CAPN13: variants seen among roughly 807,000 people sequenced by gnomAD.
The protein encoded by CAPN13 is calpain-13.
In CAPN13, 90 loss-of-function variants were observed where a neutral mutation model predicts 98.4. That is an observed-to-expected ratio of 0.92 (90% CI 0.77 to 1.09). The LOEUF (loss-of-function observed/expected upper bound fraction) is 1.09, where lower values mean the gene tolerates loss of function less well. Among genes scored for constraint, CAPN13 ranks in the 50% least tolerant of loss-of-function variants. The pLI, the probability that CAPN13 is intolerant of heterozygous loss-of-function variation, is 0.00. For missense variants in CAPN13, 887 were observed against 841.3 expected, an observed-to-expected ratio of 1.05 and a Z score of -0.67; for synonymous variants, 330 against 305.5, an observed-to-expected ratio of 1.08 and a Z score of -0.84.
intron 8 of CAPN13, among the ~76,000 whole-genome samples, chr2:30,756,607 C>A (rs1295165101): frequency 1.3e-5 from 2 of 152,242 alleles, no homozygotes; most frequent in African/African-American, 4.8e-5. Context: ...CAAGAGGCAG[C>A]CTCAAATCAG....
At position 30,775,993 on chromosome 2, in the gene CAPN13, G is replaced by A; in HGVS notation, c.324C>T (p.Tyr108=). ...ALGSLTQNPQ[Y]RQKILMVQSF... ...TTTGGACCATCAGGATCTTCTGCCT[G>A]TACTGTGGGTTCTGAGTCAAGGATC... The change falls in exon 4 of 23, where the codon TAC becomes TAT. Residue 108 remains tyrosine, a synonymous_variant. Transcript: ENST00000295055. 6.2e-7 allele frequency: 1 copy of A among 1,613,266 alleles called. No individual in the cohort carries two copies. Among genetic ancestry groups the A allele is most frequent in the Non-Finnish European group, 8.5e-7 (1 of 1,179,542 alleles).
chr2:30,767,553 T>C (rs1673173386), intron 5 of CAPN13, among the ~76,000 whole-genome samples: 1 of 152,226 alleles, frequency 6.6e-6, no homozygotes, highest in African/African-American at 2.4e-5. Flanking sequence ...AGATGAGGGC[T>C]GAATCCGTAT....
chr2:30,742,799 GGT>G (rs1671727796), intron 13 of CAPN13, among the ~76,000 whole-genome samples: 1 of 152,152 alleles, frequency 6.6e-6, no homozygotes, highest in Non-Finnish European at 1.5e-5. Flanking sequence ...AGCACTTGCT[GGT>G]CCCAGTCTTG....
chr2:30,747,256 C>G (rs1038462780), intron 11 of CAPN13, among the ~76,000 whole-genome samples: 1 of 151,802 alleles, frequency 6.6e-6, no homozygotes, highest in Non-Finnish European at 1.5e-5. Flanking sequence ...GCTGGGCTCC[C>G]TATTTTATGG....
intron 5 of CAPN13, among the ~76,000 whole-genome samples, chr2:30,768,121 C>G (rs1673200751): frequency 6.6e-6 from 1 of 152,240 alleles, no homozygotes; most frequent in Non-Finnish European, 1.5e-5. Context: ...CGGTGCCTGC[C>G]TCACACACAG....
At chr2:30,730,500 C>A (rs1671029410) in intron 22 of CAPN13, among the ~76,000 whole-genome samples, 1 of 152,192 alleles carries the variant, frequency 6.6e-6, no homozygotes. Flanking sequence ...TCATGCCTTT[C>A]AAGCCATGCC....
chr2:30,733,092 G>A (rs1671186039), intron 19 of CAPN13, among the ~76,000 whole-genome samples: 1 of 152,166 alleles, frequency 6.6e-6, no homozygotes, highest in African/African-American at 2.4e-5. Context: ...TCAGCGCCTT[G>A]TCATCCTGTG....
intron 1 of CAPN13, among the ~76,000 whole-genome samples, chr2:30,787,611 A>G (rs557075824): frequency 1.3e-5 from 2 of 152,332 alleles, no homozygotes; most frequent in African/African-American, 4.8e-5. Context: ...ATGGGGTACT[A>G]GTACATCTCA....
intron 15 of CAPN13, among the ~76,000 whole-genome samples, chr2:30,739,308 G>A (rs1671537240): frequency 6.6e-6 from 1 of 152,212 alleles, no homozygotes; most frequent in South Asian, 2.1e-4. Context: ...ATCAGCAGGT[G>A]GTCCTGTAGA....
chr2:30,740,383 G>A (rs945295730), intron 15 of CAPN13, among the ~76,000 whole-genome samples: 1 of 152,152 alleles, frequency 6.6e-6, no homozygotes, highest in Non-Finnish European at 1.5e-5. Context: ...GTCAGCTACC[G>A]TGCCCGGCAA....
At position 30,768,361 on chromosome 2, in the gene CAPN13, G is replaced by A. The variant is rs141388241; in HGVS notation, c.524+1952C>T. Reference sequence around the variant, plus strand: ...GATGAGGAGTTCAGAGGAAGTGGGGGTCCTGAGAAATGTGGAGCGAGGAGG... The same window carrying A: ...GATGAGGAGTTCAGAGGAAGTGGGGATCCTGAGAAATGTGGAGCGAGGAGG... On this transcript the variant is annotated intron_variant, in intron 5 of 22. Transcript: ENST00000295055. Among the ~76,000 whole-genome samples the A allele has an allele frequency of 2.0e-5, 3 of 152,350 alleles. No homozygotes were observed. In the East Asian group the frequency reaches 5.8e-4, roughly 29 times the overall value.
chr2:30,730,575 A>G (rs1291941075), intron 22 of CAPN13, among the ~76,000 whole-genome samples, 155 bp downstream of exon 22: 1 of 152,094 alleles, frequency 6.6e-6, no homozygotes. Flanking sequence ...CTTGAAACTC[A>G]AGGGCCTTGA....
intron 7 of CAPN13, among the ~76,000 whole-genome samples, chr2:30,759,923 T>A (rs1369121581): frequency 1.3e-5 from 2 of 152,138 alleles, no homozygotes; most frequent in African/African-American, 4.8e-5. Context: ...CTGGCTCGGA[T>A]AAGGCTCTTT....
chr2:30,724,257 A>T (rs568679366), intron 22 of CAPN13, among the ~76,000 whole-genome samples: 126 of 152,256 alleles, frequency 8.3e-4, no homozygotes, highest in African/African-American at 3.0e-3. Context: ...GTAACTCTTT[A>T]TTCTTCCAGG....
At chr2:30,756,915 A>G (rs1000078129) in intron 8 of CAPN13, among the ~76,000 whole-genome samples, 2 of 152,072 alleles carry the variant, frequency 1.3e-5, no homozygotes, top group Non-Finnish European at 2.9e-5. Flanking sequence ...TCCCAATCAT[A>G]CTTTCATCCC....
At position 30,745,704 on chromosome 2, in the gene CAPN13, G is replaced by A. The variant is rs765053899; in HGVS notation, c.1248+19C>T. 8.8e-6 allele frequency: 14 copies of A among 1,596,416 alleles called. No individual in the cohort carries two copies. The Admixed American group carries it at 2.2e-4, about 25-fold the overall frequency. ...AGACAGCAGCAGAGGCGCAGGGCAA[G>A]GACGACGCTGAGCCATACCTGTGAG... is the stretch of plus-strand genomic sequence containing the variant. On this transcript the variant is annotated intron_variant, in intron 12 of 22. Coordinates refer to ENST00000295055, the MANE Select transcript of CAPN13 (RefSeq NM_144575.3).
rs111750751 is a variant in CAPN13, at chr2:30,776,645, C to T, written c.272-600G>A. The stretch of plus-strand genomic sequence containing the variant: ...CCGTCCCTGTGCAGAAGTAGGGGGA[C>T]GTTCTCTCCTTTTCCTCCTTGAGGG... On this transcript the variant is annotated intron_variant, in intron 3 of 22. Coordinates refer to ENST00000295055, the MANE Select transcript of CAPN13 (RefSeq NM_144575.3). 4.7e-3 allele frequency among the ~76,000 whole-genome samples: 711 copies of T among 152,282 alleles called. 5 individuals carry two copies. Among genetic ancestry groups the T allele is most frequent in the Middle Eastern group, 0.027 (8 of 294 alleles).
At chr2:30,738,506 T>G in intron 15 of CAPN13, 49 bp from the exon 16 acceptor site, 1 of 1,546,774 alleles carries the variant, frequency 6.5e-7, no homozygotes, top group Non-Finnish European at 8.8e-7. Flanking sequence ...TGCCAGGATC[T>G]GAGAGGCACA....
chr2:30,726,071 T>C (rs1255659244), intron 22 of CAPN13, among the ~76,000 whole-genome samples: 1 of 152,204 alleles, frequency 6.6e-6, no homozygotes, highest in Non-Finnish European at 1.5e-5. Context: ...TTCGGTTATT[T>C]GGGAGAAAGT....
Sources: allele counts gnomAD v4.1 joint callset (sites outside exome capture counted in the v4.1 genomes callset), GRCh38; gene constraint gnomAD v4.1.1; transcripts MANE v1.5; gene names NCBI Gene and HGNC (gene_info 2026-07-23, HGNC 2026-07-21).